Variants in NELL1 observed in about 807,000 individuals in gnomAD.
NELL1 encodes the protein protein kinase C-binding protein NELL1.
In NELL1, 76 loss-of-function variants were observed where a neutral mutation model predicts 107.4. The ratio of observed to expected loss-of-function variants is 0.71; its 90% CI spans 0.59 to 0.86. The LOEUF (loss-of-function observed/expected upper bound fraction) is 0.86, where lower values mean the gene tolerates loss of function less well. Among genes scored for constraint, NELL1 ranks in the 40% least tolerant of loss-of-function variants. NELL1 has a pLI of 0.00. For missense variants in NELL1, 1,024 were observed against 1,005.5 expected (o/e 1.02, Z -0.25); for synonymous variants, 353 against 341.2 (o/e 1.03, Z -0.38).
intron 12 of NELL1, among the ~76,000 whole-genome samples, chr11:20,987,369 T>C (rs1851874470): frequency 6.6e-6 from 1 of 152,208 alleles, no homozygotes; most frequent in African/African-American, 2.4e-5. Context: ...ATTAGTCTGT[T>C]TTCATGCTGC....
chr11:21,527,510 A>G (rs1329977997), intron 15 of NELL1, among the ~76,000 whole-genome samples: 1 of 152,152 alleles, frequency 6.6e-6, no homozygotes, highest in Non-Finnish European at 1.5e-5. Context: ...CAAAATCTGT[A>G]TTAGTCAGGG....
At chr11:21,201,583 T>C (rs1404460249) in intron 13 of NELL1, among the ~76,000 whole-genome samples, 2 of 152,216 alleles carry the variant, frequency 1.3e-5, no homozygotes, top group East Asian at 3.9e-4. Flanking sequence ...CCGAGACTAT[T>C]TGACTTCCTC....
intron 12 of NELL1, among the ~76,000 whole-genome samples, chr11:20,977,825 A>G (rs1483443332): frequency 6.6e-6 from 1 of 152,166 alleles, no homozygotes; most frequent in African/African-American, 2.4e-5. Flanking sequence ...TGTTGCTGCT[A>G]ATATTTATCA....
chr11:20,756,645 G>A (rs1856298492), intron 2 of NELL1, among the ~76,000 whole-genome samples: 1 of 148,240 alleles, frequency 6.7e-6, no homozygotes, highest in Admixed American at 6.8e-5. Flanking sequence ...ACAGGCGTGA[G>A]CCACCACACC....
intron 12 of NELL1, among the ~76,000 whole-genome samples, chr11:21,044,869 TCA>T (rs1853319052): frequency 6.6e-6 from 1 of 152,100 alleles, no homozygotes; most frequent in Admixed American, 6.6e-5. Context: ...TTGACTAGTC[TCA>T]GAGATGGGGA....
chr11:21,386,727 A>T (rs979069978), intron 15 of NELL1, among the ~76,000 whole-genome samples: 1 of 151,928 alleles, frequency 6.6e-6, no homozygotes. Flanking sequence ...GCTATGTGGA[A>T]ATACTGCATT....
intron 17 of NELL1, among the ~76,000 whole-genome samples, chr11:21,563,137 TG>T (rs1444165170): frequency 6.6e-6 from 1 of 152,004 alleles, no homozygotes; most frequent in African/African-American, 2.4e-5. Context: ...AGATGAAAAG[TG>T]GTTGTCTCTC....
chr11:20,724,453 C>A (rs537512334), intron 2 of NELL1, among the ~76,000 whole-genome samples: 1 of 152,164 alleles, frequency 6.6e-6, no homozygotes, highest in Non-Finnish European at 1.5e-5. Flanking sequence ...TTAGAAATTT[C>A]TTCCACCAGG....
rs555704233 is a variant in NELL1 at position 21,004,200 on chromosome 11, G to A, written c.1300+43640G>A. On this transcript the variant is annotated intron_variant, in intron 12 of 19. Coordinates refer to ENST00000357134, the MANE Select transcript of NELL1 (RefSeq NM_006157.5). ...TGGCTGTGCTGTGAGTTTGAGTGGCGGGGAATAGCTGTATTCATCTTTATG... is the reference window on the plus strand; with the variant it reads ...TGGCTGTGCTGTGAGTTTGAGTGGCAGGGAATAGCTGTATTCATCTTTATG... 4.2e-4 allele frequency among the ~76,000 whole-genome samples: 64 copies of A among 152,092 alleles called. 1 individual carries two copies. The highest frequency in any genetic ancestry group is 4.0e-4 in the Non-Finnish European group (27 of 67,984).
At chr11:21,089,342 T>A (rs1181970897) in intron 12 of NELL1, among the ~76,000 whole-genome samples, 1 of 152,192 alleles carries the variant, frequency 6.6e-6, no homozygotes. Context: ...CCCTTGAAAT[T>A]CATCCAAACA....
intron 12 of NELL1, among the ~76,000 whole-genome samples, chr11:21,099,217 ACAC>A: frequency 7.0e-6 from 1 of 142,478 alleles, no homozygotes; most frequent in African/African-American, 2.6e-5. Context: ...ACACACACAC[ACAC>A]ACACACACAC....
At chr11:20,987,845 C>G (rs1457485836) in intron 12 of NELL1, among the ~76,000 whole-genome samples, 1 of 152,088 alleles carries the variant, frequency 6.6e-6, no homozygotes, top group Non-Finnish European at 1.5e-5. Flanking sequence ...AGGATTGAAA[C>G]AATGTTTAAC....
intron 14 of NELL1, among the ~76,000 whole-genome samples, chr11:21,240,570 A>G (rs957450886): frequency 1.3e-5 from 2 of 152,030 alleles, no homozygotes; most frequent in African/African-American, 4.8e-5. Context: ...TTGATAAAGG[A>G]CTGCAAGTAG....
At chr11:21,217,971 G>A (rs1857659558) in intron 13 of NELL1, among the ~76,000 whole-genome samples, 2 of 152,202 alleles carry the variant, frequency 1.3e-5, no homozygotes, top group South Asian at 4.1e-4. Context: ...GAAGGAAGAA[G>A]AAAGGAACTA....
At chr11:20,863,511 C>A (rs548404356) in intron 4 of NELL1, among the ~76,000 whole-genome samples, 1 of 119,560 alleles carries the variant, frequency 8.4e-6, no homozygotes, top group Non-Finnish European at 1.8e-5. Flanking sequence ...CAGACGGGGT[C>A]GCGGCCGGGC....
intron 13 of NELL1, among the ~76,000 whole-genome samples, chr11:21,202,350 C>A (rs1427693157): frequency 2.0e-5 from 3 of 152,130 alleles, no homozygotes; most frequent in Admixed American, 2.0e-4. Context: ...CTGATTTAGA[C>A]TTAGGAGGTA....
chr11:20,724,506 C>T (rs1259313649), intron 2 of NELL1, among the ~76,000 whole-genome samples: 1 of 152,154 alleles, frequency 6.6e-6, no homozygotes, highest in Non-Finnish European at 1.5e-5. Context: ...CCATAGATTC[C>T]TAGGGCAGGG....
At chr11:21,481,803 A>T (rs1051419274) in intron 15 of NELL1, among the ~76,000 whole-genome samples, 3 of 152,156 alleles carry the variant, frequency 2.0e-5, no homozygotes, top group African/African-American at 7.2e-5. Context: ...AATGTGTGAC[A>T]AGTATCTGAA....
chr11:20,960,202 G>A (rs950783654), intron 11 of NELL1, among the ~76,000 whole-genome samples: 2 of 152,132 alleles, frequency 1.3e-5, no homozygotes, highest in African/African-American at 4.8e-5. Flanking sequence ...CATTCAGGTA[G>A]GAACAGCCTC....
Sources: gnomAD v4.1 joint callset for allele counts (sites outside exome capture counted in the v4.1 genomes callset) on GRCh38, gnomAD v4.1.1 for gene constraint, MANE v1.5 for transcripts, NCBI Gene and HGNC (gene_info 2026-07-23, HGNC 2026-07-21) for gene names.